The following GGH variants were observed in gnomAD, a reference collection of about 807,000 sequenced individuals.
GGH encodes gamma-Glu-X carboxypeptidase.
In GGH, 18 loss-of-function variants were observed where a neutral mutation model predicts 39.2. The ratio of observed to expected loss-of-function variants is 0.46; its 90% CI spans 0.32 to 0.68. The LOEUF is 0.68. Among genes scored for constraint, GGH ranks in the 30% least tolerant of loss-of-function variants. GGH has a pLI of 0.04. For missense variants in GGH, 367 were observed against 384.1 expected, an observed-to-expected ratio of 0.96 and a Z score of 0.37; for synonymous variants, 147 against 138.8, an observed-to-expected ratio of 1.06 and a Z score of -0.42.
At chr8:63,028,276 T>C (rs909743816) in intron 3 of GGH, 1 of 152,122 alleles carries the variant, frequency 6.6e-6, no homozygotes, top group African/African-American at 2.4e-5. Context: ...AGTGGCTTAG[T>C]GAAGACTCAT....
At chr8:63,020,409 TA>T (rs1401279379) in intron 7 of GGH, among the ~76,000 whole-genome samples, 1 of 152,166 alleles carries the variant, frequency 6.6e-6, no homozygotes, top group Non-Finnish European at 1.5e-5. Flanking sequence ...CTATGAGCCC[TA>T]GAAACACAAA....
In GGH at chr8:63,035,348, C is replaced by T. The variant is rs991928987; in HGVS notation, c.224+308G>A. Among the ~76,000 whole-genome samples, 3 of 152,274 alleles carry T rather than the reference C, an allele frequency of 2.0e-5. No homozygotes were observed. In the East Asian group the frequency reaches 5.8e-4, roughly 29 times the overall value. ...TGAGATGGAGTCTCGATCTGTTGCC[C>T]AAACTGGAGTGCAGTGGTGCGATCT... On this transcript the variant is annotated intron_variant, in intron 2 of 8. Coordinates refer to ENST00000260118, the MANE Select transcript of GGH (RefSeq NM_003878.3).
intron 5 of GGH, chr8:63,024,723 C>G (rs911263118): frequency 6.7e-6 from 1 of 150,068 alleles, no homozygotes; most frequent in African/African-American, 2.4e-5. Context: ...GACTCAAACA[C>G]CAACAAACAG....
At chr8:63,026,799 C>T (rs866908893) in intron 4 of GGH, among the ~76,000 whole-genome samples, 6 of 151,680 alleles carry the variant, frequency 4.0e-5, no homozygotes, top group Admixed American at 6.6e-5. Context: ...GAAGAAAGTT[C>T]CAATAGGATT....
At chr8:63,020,996 T>C (rs1804575191) in intron 7 of GGH, among the ~76,000 whole-genome samples, 1 of 152,164 alleles carries the variant, frequency 6.6e-6, no homozygotes, top group Non-Finnish European at 1.5e-5. Flanking sequence ...CGAAACATGA[T>C]TAATACTTCC....
intron 5 of GGH, 47 bp from the exon 6 acceptor site, chr8:63,024,233 A>T: frequency 8.4e-7 from 1 of 1,188,702 alleles, no homozygotes; most frequent in African/African-American, 1.5e-5. Context: ...ACAAAAAAAT[A>T]AAATCCACTG....
chr8:63,015,261 G>A lies in GGH; in HGVS notation c.*71C>T. On this transcript the variant is annotated 3_prime_UTR_variant, in exon 9 of 9. Coordinates refer to ENST00000260118, the MANE Select transcript of GGH (RefSeq NM_003878.3). ...ATCTGTGACTTCCTAATCTTGCCAT[G>A]AGTAGCAAGTTATTCTAACAGTTTA... The A allele has an allele frequency of 1.3e-6, 1 of 766,912 alleles. No individual in the cohort carries two copies. Among genetic ancestry groups the A allele is most frequent in the Non-Finnish European group, 2.1e-6 (1 of 471,210 alleles). 47.5% of individuals were successfully genotyped at this position (766,912 alleles called of 1,614,324 possible).
Position 63,034,647 on chromosome 8 carries a change from A to C in GGH, c.224+1009T>G, listed in dbSNP as rs1563671290. On this transcript the variant is annotated intron_variant, in intron 2 of 8. Transcript: ENST00000260118. ...TTCAGTTCTAAATGAAAATGAGATGAATCATTTTATTCTTATAGGAACATT... is the reference window on the plus strand; with the variant it reads ...TTCAGTTCTAAATGAAAATGAGATGCATCATTTTATTCTTATAGGAACATT... Among the ~76,000 whole-genome samples, 5 of 152,208 alleles carry C rather than the reference A, an allele frequency of 3.3e-5. No homozygotes were observed. In the South Asian group the frequency reaches 8.3e-4, roughly 25 times the overall value.
chr8:63,019,606 T>G (rs1365164376), intron 7 of GGH, among the ~76,000 whole-genome samples: 1 of 152,214 alleles, frequency 6.6e-6, no homozygotes, highest in Non-Finnish European at 1.5e-5. Flanking sequence ...TCATAATGTT[T>G]TTTTGGATGC....
intron 7 of GGH, among the ~76,000 whole-genome samples, chr8:63,023,332 C>T (rs1563667681): frequency 1.3e-5 from 2 of 152,150 alleles, no homozygotes; most frequent in African/African-American, 4.8e-5. Flanking sequence ...GGCAATTCTC[C>T]TTGCCATTCT....
Position 63,022,073 on chromosome 8 carries a change from T to C in GGH, c.697+1834A>G, listed in dbSNP as rs551370477. On this transcript the variant is annotated intron_variant, in intron 7 of 8. Transcript: ENST00000260118. ...CTTTGTCAGTTATATGCATTACAAA[T>C]ACCTCCCTTTTTTCTTCTCTGTGTA... Among the ~76,000 whole-genome samples, 10 of 152,212 alleles carry C rather than the reference T, an allele frequency of 6.6e-5. No individual in the cohort carries two copies. In the South Asian group the frequency reaches 1.9e-3, roughly 29 times the overall value.
chr8:63,026,524 T>TAA (rs954110769), intron 4 of GGH, among the ~76,000 whole-genome samples: 2 of 152,248 alleles, frequency 1.3e-5, no homozygotes, highest in African/African-American at 4.8e-5. Flanking sequence ...CCAAAGACTA[T>TAA]AAAAGCCTAT....
chr8:63,036,809 A>G (rs975368790), intron 1 of GGH, among the ~76,000 whole-genome samples: 5 of 152,218 alleles, frequency 3.3e-5, no homozygotes, highest in African/African-American at 1.2e-4. Flanking sequence ...GGTGAGTGAA[A>G]GCAGAAAGCA....
chr8:63,024,319 CATTTCCATAGAAGTATTCCA>C, intron 5 of GGH, 133 bp from the exon 6 acceptor site: 1 of 589,688 alleles, frequency 1.7e-6, no homozygotes. Context: ...CAAAACACAT[CATTTCCATAGAAGTATTCCA>C]ATCAAGTCAC....
chr8:63,035,552 G>A (rs1202332597), intron 2 of GGH, 104 bp downstream of exon 2: 17 of 1,460,722 alleles, frequency 1.2e-5, no homozygotes, highest in East Asian at 4.9e-5. Context: ...TAGTCCACCC[G>A]CCTTGGCCTC....
chr8:63,038,806 C>T lies in GGH; in HGVS notation c.-38G>A. 7 of 1,298,386 alleles carry T rather than the reference C, an allele frequency of 5.4e-6. No homozygotes were observed. Among genetic ancestry groups the T allele is most frequent in the Middle Eastern group, 2.1e-4 (1 of 4,734 alleles). The allele number at this position is 1,298,386 out of a possible 1,614,324, so 80.4% of individuals were successfully genotyped here. On this transcript the variant is annotated 5_prime_UTR_variant, in exon 1 of 9. Transcript: ENST00000260118. ...CTCCCGCCGCCTTTCAAAAGCTCTG[C>T]GGGCGGGCGGGGGCTGCGGCAGGGA...
chr8:63,035,772 T>C lies in GGH; in HGVS notation c.110-2A>G. 1 of 1,603,328 alleles carries C rather than the reference T, an allele frequency of 6.2e-7. No homozygotes were observed. Among genetic ancestry groups the C allele is most frequent in the Non-Finnish European group, 8.5e-7 (1 of 1,176,448 alleles). Reference sequence around the variant, plus strand: ...TACGGCATTTTTGCATTAATATTCCTAATAACAAAAAAAAGTTTAGTTTCA... The same window carrying C: ...TACGGCATTTTTGCATTAATATTCCCAATAACAAAAAAAAGTTTAGTTTCA... On this transcript the variant is annotated splice_acceptor_variant, in intron 1 of 8. Transcript: ENST00000260118. LOFTEE classifies it high-confidence loss of function.
At chr8:63,018,898 G>C (rs1804536403) in intron 7 of GGH, among the ~76,000 whole-genome samples, 1 of 152,080 alleles carries the variant, frequency 6.6e-6, no homozygotes, top group African/African-American at 2.4e-5. Context: ...AATTATGCAA[G>C]GATTTCACCA....
chr8:63,016,354 C>G (rs941705198), intron 8 of GGH, among the ~76,000 whole-genome samples: 1 of 151,998 alleles, frequency 6.6e-6, no homozygotes. Context: ...TGTCATAAAA[C>G]CATCCACTCA....
Sources: gnomAD v4.1 joint callset for allele counts (sites outside exome capture counted in the v4.1 genomes callset) on GRCh38, gnomAD v4.1.1 for gene constraint, MANE v1.5 for transcripts, NCBI Gene and HGNC (gene_info 2026-07-23, HGNC 2026-07-21) for gene names.